INPP5A: variants seen among roughly 807,000 people sequenced by gnomAD.
The protein encoded by INPP5A is inositol polyphosphate-5-phosphatase A.
A neutral mutation model predicts 65.2 loss-of-function variants in INPP5A; 14 were observed. The ratio of observed to expected loss-of-function variants is 0.21; its 90% CI spans 0.14 to 0.34. The LOEUF is 0.34. INPP5A is among the 10% of genes least tolerant of loss of function. INPP5A has a pLI of 1.00. For synonymous variants in INPP5A, 207 were observed against 208.3 expected (o/e 0.99, Z 0.05); for missense variants, 431 against 545.6 (o/e 0.79, Z 2.09).
At chr10:132,711,604 G>A (rs993525856) in intron 8 of INPP5A, among the ~76,000 whole-genome samples, 8 of 152,272 alleles carry the variant, frequency 5.3e-5, no homozygotes, top group South Asian at 2.1e-4. Context: ...TGCAGAATGC[G>A]GAGTTACACT....
intron 5 of INPP5A, among the ~76,000 whole-genome samples, chr10:132,690,865 G>A (rs773580953): frequency 8.5e-5 from 13 of 152,204 alleles, no homozygotes; most frequent in Non-Finnish European, 1.5e-4. Flanking sequence ...GAAAAGACTT[G>A]CCCTGAGACG....
chr10:132,750,380 T>C (rs1846453749), intron 11 of INPP5A, among the ~76,000 whole-genome samples: 1 of 152,160 alleles, frequency 6.6e-6, no homozygotes, highest in South Asian at 2.1e-4. Flanking sequence ...TGTAAACAAG[T>C]GCGTGTCAAT....
intron 2 of INPP5A, among the ~76,000 whole-genome samples, chr10:132,635,520 T>C (rs938861365): frequency 6.8e-6 from 1 of 147,970 alleles, no homozygotes; most frequent in Admixed American, 6.9e-5. Context: ...CTCAGCCTCC[T>C]GAGTAGCTGG....
In INPP5A at chr10:132,687,176, C is replaced by G. The variant is rs139016785; in HGVS notation, c.307-3216C>G. Among the ~76,000 whole-genome samples, 13 of 152,336 alleles carry G rather than the reference C, an allele frequency of 8.5e-5. No individual in the cohort carries two copies. In the East Asian group the frequency reaches 2.5e-3, roughly 29 times the overall value. ...GCCAGGCCGGTCTTGAACTCCTGAC[C>G]TCGAGTGATCCGCTGCCTCGCCCCC... is the stretch of plus-strand genomic sequence containing the variant. On this transcript the variant is annotated intron_variant, in intron 4 of 15. Transcript: ENST00000368594.
At chr10:132,778,563 A>G (rs1036551646) in intron 13 of INPP5A, among the ~76,000 whole-genome samples, 1 of 152,192 alleles carries the variant, frequency 6.6e-6, no homozygotes, top group Admixed American at 6.5e-5. Flanking sequence ...TGAAAATTAA[A>G]TGCAGATAGT....
In INPP5A at chr10:132,697,201, T is replaced by A. The variant is rs1248072177; in HGVS notation, c.371-615T>A. ...CCTTGATCACACCCCACCTTGGGTG[T>A]GGAGCTACCTGTCCATAAAAAGAAA... On this transcript the variant is annotated intron_variant, in intron 5 of 15. Coordinates refer to ENST00000368594, the MANE Select transcript of INPP5A (RefSeq NM_005539.5). The surrounding 1 kb of genome is among the most constrained non-coding windows in gnomAD (Gnocchi z 5.6). Among the ~76,000 whole-genome samples the A allele has an allele frequency of 1.3e-5, 2 of 152,234 alleles. No individual in the cohort carries two copies. The highest frequency in any genetic ancestry group is 4.1e-4 in the South Asian group (2 of 4,836).
intron 2 of INPP5A, among the ~76,000 whole-genome samples, chr10:132,635,983 CAAA>C (rs202003054): frequency 2.0e-5 from 1 of 49,236 alleles, no homozygotes; most frequent in Admixed American, 2.2e-4. Flanking sequence ...ATCTCAAAGA[CAAA>C]AAAAAAAAAA....
intron 9 of INPP5A, among the ~76,000 whole-genome samples, chr10:132,740,561 A>G (rs1846255283): frequency 1.3e-5 from 2 of 152,198 alleles, no homozygotes; most frequent in Admixed American, 6.5e-5. Flanking sequence ...ATGATTTCCT[A>G]TTAACTCGTT....
intron 12 of INPP5A, among the ~76,000 whole-genome samples, chr10:132,777,059 A>G (rs1393248133): frequency 6.6e-6 from 1 of 152,164 alleles, no homozygotes; most frequent in East Asian, 1.9e-4. Flanking sequence ...CCTCAGGGCT[A>G]CTGGCACCGC....
intron 1 of INPP5A, among the ~76,000 whole-genome samples, chr10:132,588,152 G>A (rs932594130): frequency 2.2e-4 from 33 of 152,066 alleles, no homozygotes; most frequent in African/African-American, 6.8e-4. Context: ...GCCATCATGT[G>A]TAGACTTAAG....
intron 11 of INPP5A, among the ~76,000 whole-genome samples, chr10:132,760,502 C>A (rs958658472): frequency 2.6e-5 from 4 of 152,258 alleles, no homozygotes; most frequent in African/African-American, 9.6e-5. Context: ...TCCCCCACAG[C>A]TGTGAAAGCT....
chr10:132,606,267 C>T (rs2071847730), intron 1 of INPP5A, among the ~76,000 whole-genome samples: 1 of 140,392 alleles, frequency 7.1e-6, no homozygotes, highest in African/African-American at 2.5e-5. Context: ...TCAGTCGCCT[C>T]CCCTCCTGCC....
At chr10:132,724,755 T>A (rs1177635) in intron 8 of INPP5A, among the ~76,000 whole-genome samples, 18 of 103,064 alleles carry the variant, frequency 1.7e-4, no homozygotes, top group East Asian at 3.3e-4. Flanking sequence ...GGATGACAGG[T>A]GCACATGCCA....
chr10:132,693,938 C>G (rs987709762), intron 5 of INPP5A, among the ~76,000 whole-genome samples: 4 of 152,164 alleles, frequency 2.6e-5, no homozygotes, highest in Non-Finnish European at 4.4e-5. Context: ...TAGTTAGAGA[C>G]TTCAACACCC....
intron 6 of INPP5A, among the ~76,000 whole-genome samples, chr10:132,699,494 T>C (rs554686262): frequency 6.6e-6 from 1 of 152,284 alleles, no homozygotes; most frequent in African/African-American, 2.4e-5. Context: ...TGTGGCTGCA[T>C]TGCTGTCCAG....
At chr10:132,657,723 C>T (rs112293716) in intron 4 of INPP5A, among the ~76,000 whole-genome samples, 1,550 of 152,340 alleles carry the variant, frequency 0.01, 29 homozygotes, top group African/African-American at 0.035. Context: ...ATGGAGTTTA[C>T]GGATGTTCTT....
intron 1 of INPP5A, among the ~76,000 whole-genome samples, chr10:132,607,643 T>C (rs1397315622): frequency 6.6e-6 from 1 of 152,228 alleles, no homozygotes; most frequent in African/African-American, 2.4e-5. Flanking sequence ...TCGCCACCCG[T>C]GTGGGGGCTG....
At chr10:132,672,503 T>C (rs886612910) in intron 4 of INPP5A, among the ~76,000 whole-genome samples, 4 of 152,146 alleles carry the variant, frequency 2.6e-5, no homozygotes, top group African/African-American at 4.8e-5. Flanking sequence ...AAGAGGAGTT[T>C]CCCTGCACAA....
rs1845549336 is a variant in INPP5A, at chr10:132,707,157, A to G, written c.475-1156A>G. Among the ~76,000 whole-genome samples, 1 of 152,134 alleles carries G rather than the reference A, an allele frequency of 6.6e-6. No individual in the cohort carries two copies. The highest frequency in any genetic ancestry group is 6.5e-5 in the Admixed American group (1 of 15,276). On this transcript the variant is annotated intron_variant, in intron 6 of 15. Coordinates refer to ENST00000368594, the MANE Select transcript of INPP5A (RefSeq NM_005539.5). The surrounding 1 kb of genome is among the most constrained non-coding windows in gnomAD (Gnocchi z 5.5). ...GATTCCCATCTGCTTTCATCTCCTC[A>G]GCAGACCTTAGGGTGTGGTGGAGGA...
Sources: allele counts gnomAD v4.1 joint callset (sites outside exome capture counted in the v4.1 genomes callset), GRCh38; gene constraint gnomAD v4.1.1; non-coding constraint Gnocchi (gnomAD v3.1); transcripts MANE v1.5; gene names NCBI Gene and HGNC (gene_info 2026-07-23, HGNC 2026-07-21).